Variants in ATAD5 observed in about 807,000 individuals in gnomAD.
ATAD5 encodes the protein ATPase family AAA domain containing 5, also known as ATPase family AAA domain-containing protein 5.
A neutral mutation model predicts 176.9 loss-of-function variants in ATAD5; 58 were observed. The observed-to-expected ratio is 0.33, with a 90% CI of 0.27 to 0.41. The LOEUF (loss-of-function observed/expected upper bound fraction) is 0.41, where lower values mean the gene tolerates loss of function less well. Among genes scored for constraint, ATAD5 ranks in the 10% least tolerant of loss-of-function variants. The pLI is 1.00. For synonymous variants in ATAD5, 640 were observed against 712.6 expected, an observed-to-expected ratio of 0.90 and a Z score of 1.62; for missense variants, 1,789 against 2,094.1, an observed-to-expected ratio of 0.85 and a Z score of 2.84.
intron 17 of ATAD5, among the ~76,000 whole-genome samples, chr17:30,878,729 T>TG (rs1555559814): frequency 2.1e-5 from 2 of 95,884 alleles, no homozygotes; most frequent in South Asian, 5.1e-4. Context: ...TTTTTTTTTT[T>TG]TTTTTTTTTT....
chr17:30,850,858 T>TAC (rs1906886460), intron 6 of ATAD5, among the ~76,000 whole-genome samples: 1 of 37,648 alleles, frequency 2.7e-5, no homozygotes, highest in Non-Finnish European at 5.8e-5. Flanking sequence ...TATATATATA[T>TAC]ATATATATAT....
chr17:30,894,579 G>C lies in ATAD5; in HGVS notation c.5313G>C (p.Arg1771Ser). ...SAANLDNAWKRISVIKSVFSS... is the reference protein window; with the variant it reads ...SAANLDNAWKSISVIKSVFSS... ...ACTTTTACAGCAATGCTTGGAAGAG[G>C]ATATCAGTCATTAAAAGTGTATTTT... Residue 1771 changes from arginine to serine, a missense_variant, in exon 22 of 23, where the codon AGG becomes AGC. Arg to Ser is a moderately radical substitution (Grantham distance 110). Transcript: ENST00000321990. 6.2e-7 allele frequency: 1 copy of C among 1,607,336 alleles called. No homozygotes were observed. The highest frequency in any genetic ancestry group is 8.5e-7 in the Non-Finnish European group (1 of 1,178,296).
chr17:30,860,739 A>G (rs1025075383), intron 10 of ATAD5, 127 bp downstream of exon 10: 27 of 850,408 alleles, frequency 3.2e-5, no homozygotes, highest in Middle Eastern at 7.8e-4. Context: ...TTAATTTTAG[A>G]TTTTCTTTTT....
intron 10 of ATAD5, chr17:30,865,007 G>C (rs898939079): frequency 6.7e-6 from 1 of 150,160 alleles, no homozygotes; most frequent in East Asian, 1.9e-4. Flanking sequence ...TGCAACCTCC[G>C]TCTCCCAGGT....
intron 6 of ATAD5, among the ~76,000 whole-genome samples, chr17:30,848,486 T>G (rs1223998429): frequency 6.6e-6 from 1 of 152,040 alleles, no homozygotes. Context: ...CTCAAACTCT[T>G]GGACTCAGGT....
chr17:30,832,295 C>A lies in ATAD5; in HGVS notation c.-53C>A. The stretch of plus-strand genomic sequence containing the variant: ...GCCGCCTCCATGGCCTCCAGGCAGG[C>A]CGGGCTGGACCGCGTGAGGTCCTAG... On this transcript the variant is annotated 5_prime_UTR_variant, in exon 1 of 23. Coordinates refer to ENST00000321990, the MANE Select transcript of ATAD5 (RefSeq NM_024857.5). 3 of 1,420,960 alleles carry A rather than the reference C, an allele frequency of 2.1e-6. No homozygotes were observed. The highest frequency in any genetic ancestry group is 2.5e-5 in the Admixed American group (1 of 39,892). The allele number at this position is 1,420,960 out of a possible 1,614,324, so 88.0% of individuals were successfully genotyped here. A position where few individuals can be genotyped will look rare whatever the true frequency, so the allele number is the denominator to read the frequency against.
chr17:30,833,581 T>G (rs1051541403), intron 1 of ATAD5, among the ~76,000 whole-genome samples: 5 of 152,242 alleles, frequency 3.3e-5, no homozygotes, highest in African/African-American at 1.2e-4. Flanking sequence ...AGCCAGCATT[T>G]AACTTAGATT....
At chr17:30,846,888 T>C (rs1597960587) in intron 6 of ATAD5, among the ~76,000 whole-genome samples, 1 of 136,734 alleles carries the variant, frequency 7.3e-6, no homozygotes, top group Middle Eastern at 3.5e-3. Flanking sequence ...GCCTGGCTAA[T>C]TTTGTATTTT....
intron 11 of ATAD5, 24 bp downstream of exon 11, chr17:30,865,824 G>C (rs1377964070): frequency 3.6e-6 from 5 of 1,391,926 alleles, no homozygotes; most frequent in Admixed American, 2.4e-5. Flanking sequence ...GTAAGGAATT[G>C]AGAAATAGTT....
chr17:30,832,428 A>C lies in ATAD5; in HGVS notation c.66+15A>C, dbSNP rs1247219470. ...GCGAGATTGAGGTGAGGTTGAGTCGAGGATCTGTTGAGTTCCTTCCTCTAT... is the reference window on the plus strand; with the variant it reads ...GCGAGATTGAGGTGAGGTTGAGTCGCGGATCTGTTGAGTTCCTTCCTCTAT... On this transcript the variant is annotated intron_variant, in intron 1 of 22. Coordinates refer to ENST00000321990, the MANE Select transcript of ATAD5 (RefSeq NM_024857.5). The C allele has an allele frequency of 5.2e-6, 8 of 1,550,002 alleles. No homozygotes were observed. Among genetic ancestry groups the C allele is most frequent in the Non-Finnish European group, 7.0e-6 (8 of 1,146,958 alleles).
chr17:30,876,337 G>A (rs756001827), intron 14 of ATAD5, 37 bp from the exon 15 acceptor site: 3 of 1,532,150 alleles, frequency 2.0e-6, no homozygotes, highest in Non-Finnish European at 2.6e-6. Context: ...ATGATTTTTA[G>A]AATATTTATC....
At chr17:30,889,075 A>T (rs916057664) in intron 19 of ATAD5, among the ~76,000 whole-genome samples, 4 of 147,730 alleles carry the variant, frequency 2.7e-5, no homozygotes, top group Non-Finnish European at 6.0e-5. Flanking sequence ...AAAAAAAAAA[A>T]ATTAAAAAAC....
At chr17:30,845,045 C>A in intron 6 of ATAD5, 129 bp downstream of exon 6, 1 of 828,148 alleles carries the variant, frequency 1.2e-6, no homozygotes, top group South Asian at 1.9e-5. Flanking sequence ...TCAAAGTTGA[C>A]AATATTGACA....
intron 6 of ATAD5, among the ~76,000 whole-genome samples, chr17:30,849,214 T>C (rs1056164269): frequency 6.6e-6 from 1 of 152,180 alleles, no homozygotes; most frequent in Non-Finnish European, 1.5e-5. Flanking sequence ...ATACCACTTT[T>C]TGTCTCTCCA....
chr17:30,832,366 A>G lies in ATAD5; in HGVS notation c.19A>G (p.Met7Val), dbSNP rs961725963. The change falls in exon 1 of 23, where the codon ATG (methionine) becomes GTG (valine). Residue 7 changes from methionine to valine, a missense_variant. By Grantham distance (21) the Met-to-Val change is conservative. Coordinates refer to ENST00000321990, the MANE Select transcript of ATAD5 (RefSeq NM_024857.5). ...GGGGAGTATGGTGGGGGTCCTGGCC[A>G]TGGCGGCTGCAGCTGCTCCGCCTCC... MVGVLA[M>V]AAAAAPPPVK... 10 of 1,564,680 alleles carry G rather than the reference A, an allele frequency of 6.4e-6. No homozygotes were observed. The African/African-American group carries it at 1.1e-4, about 17-fold the overall frequency.
chr17:30,857,056 C>T lies in ATAD5; in HGVS notation c.2737C>T (p.Leu913Phe), dbSNP rs772222964. The T allele has an allele frequency of 1.9e-6, 3 of 1,611,306 alleles. No individual in the cohort carries two copies. The South Asian group carries it at 3.3e-5, about 18-fold the overall frequency. The change falls in exon 8 of 23, where the codon CTT (leucine) becomes TTT (phenylalanine). Residue 913 changes from leucine (L) to phenylalanine (F), a missense_variant. Physicochemically the swap from Leu to Phe is conservative, Grantham distance 22 (BLOSUM62 0). This residue lies in a region of ATAD5 where 487 missense variants were observed against 573.6 expected (regional missense o/e 0.85). Transcript: ENST00000321990. Reference protein sequence around the residue: ...VIDLSKCGIALGEFSTLNSKL... With the variant: ...VIDLSKCGIAFGEFSTLNSKL... ...AGATCTCTCAAAATGTGGTATTGCT[C>T]TTGGTGAATTTTCAACATTGAATTC... is the stretch of plus-strand genomic sequence containing the variant.
At position 30,869,248 on chromosome 17, in the gene ATAD5, A is replaced by G; in HGVS notation, c.3314A>G (p.Asp1105Gly). The G allele has an allele frequency of 6.3e-7, 1 of 1,592,574 alleles. No homozygotes were observed. The highest frequency in any genetic ancestry group is 8.5e-7 in the Non-Finnish European group (1 of 1,174,752). The stretch of plus-strand genomic sequence containing the variant: ...TATATGCATTTGAATAATTTTTCAG[A>G]TTTCTCGGGTGGCATAGACTTTAAA... ...LKGKRDEKHE[D>G]FSGGIDFKGS... is the part of the protein sequence containing the mutation. Residue 1105 changes from aspartate (D) to glycine (G), a missense_variant and splice_region_variant, in exon 13 of 23, where the codon GAT becomes GGT. Asp to Gly is a moderately conservative substitution (Grantham distance 94, BLOSUM62 -1). Transcript: ENST00000321990.
intron 10 of ATAD5, among the ~76,000 whole-genome samples, chr17:30,861,246 A>G (rs1459459038): frequency 3.2e-5 from 4 of 126,114 alleles, no homozygotes; most frequent in African/African-American, 1.2e-4. Context: ...TTGATATTCT[A>G]ATAGATGATG....
chr17:30,844,945 A>G (rs1252246200), intron 6 of ATAD5, 29 bp downstream of exon 6: 2 of 1,503,154 alleles, frequency 1.3e-6, no homozygotes, highest in Admixed American at 2.1e-5. Context: ...TTTAAATGCC[A>G]AAATATTTTA....
Sources: allele counts gnomAD v4.1 joint callset (sites outside exome capture counted in the v4.1 genomes callset), GRCh38; gene constraint gnomAD v4.1.1; regional missense constraint gnomAD v4.1.1; transcripts MANE v1.5; gene names NCBI Gene and HGNC (gene_info 2026-07-23, HGNC 2026-07-21).